The following SLC1A1 variants were observed in gnomAD, a reference collection of about 807,000 sequenced individuals.
SLC1A1 encodes the protein excitatory amino acid transporter 3.
In SLC1A1, 43 loss-of-function variants were observed where a neutral mutation model predicts 53.3. The observed-to-expected ratio is 0.81, with a 90% confidence interval of 0.63 to 1.04. The LOEUF is 1.04. Ranked by LOEUF, SLC1A1 falls within the 50% of genes least tolerant of loss-of-function variation. SLC1A1 has a pLI of 0.00. For synonymous variants in SLC1A1, 307 were observed against 243.2 expected (o/e 1.26, Z -2.44); for missense variants, 748 against 664.9 (o/e 1.12, Z -1.37).
At chr9:4,491,224 C>T (rs963310680) in intron 1 of SLC1A1, among the ~76,000 whole-genome samples, 36 of 152,348 alleles carry the variant, frequency 2.4e-4, no homozygotes, top group African/African-American at 8.2e-4. Flanking sequence ...TTGGAAGAGG[C>T]ACCCTGGCCT....
At chr9:4,498,023 G>C (rs890424064) in intron 1 of SLC1A1, among the ~76,000 whole-genome samples, 3 of 152,176 alleles carry the variant, frequency 2.0e-5, no homozygotes, top group Admixed American at 1.3e-4. Context: ...CACTGGCTTA[G>C]GATCAGGAAC....
intron 2 of SLC1A1, chr9:4,554,246 G>A (rs1818178094): frequency 6.6e-6 from 1 of 152,244 alleles, no homozygotes; most frequent in Non-Finnish European, 1.5e-5. Flanking sequence ...CTGGGAGAGG[G>A]ATCCAGGGCA....
At chr9:4,559,425 G>A (rs930599577) in intron 2 of SLC1A1, among the ~76,000 whole-genome samples, 2 of 152,152 alleles carry the variant, frequency 1.3e-5, no homozygotes, top group South Asian at 2.1e-4. Flanking sequence ...CAGAGAAATG[G>A]TGTGTTTAGA....
chr9:4,560,388 T>C (rs1818821681), intron 2 of SLC1A1, among the ~76,000 whole-genome samples: 1 of 152,112 alleles, frequency 6.6e-6, no homozygotes, highest in African/African-American at 2.4e-5. Context: ...TTTGTAACAA[T>C]GTGGGAAAAT....
At chr9:4,505,910 G>T (rs1377914015) in intron 1 of SLC1A1, among the ~76,000 whole-genome samples, 1 of 152,136 alleles carries the variant, frequency 6.6e-6, no homozygotes, top group Non-Finnish European at 1.5e-5. Flanking sequence ...TGCAACCTCC[G>T]CCTTCCGAGT....
chr9:4,565,844 G>A (rs895573074), intron 4 of SLC1A1, among the ~76,000 whole-genome samples: 4 of 152,114 alleles, frequency 2.6e-5, no homozygotes, highest in African/African-American at 9.7e-5. Flanking sequence ...ATTAAGTGAT[G>A]GTTGATTACA....
intron 1 of SLC1A1, among the ~76,000 whole-genome samples, chr9:4,518,368 GT>G (rs796104792): frequency 9.1e-5 from 13 of 143,282 alleles, no homozygotes; most frequent in South Asian, 2.2e-4. Flanking sequence ...TTGTGGTTTT[GT>G]TTTTTTTTTG....
chr9:4,508,730 C>T (rs1449858799), intron 1 of SLC1A1, among the ~76,000 whole-genome samples: 1 of 152,204 alleles, frequency 6.6e-6, no homozygotes, highest in Admixed American at 6.5e-5. Context: ...TTTTCTCCTG[C>T]CTTTCATAAT....
At chr9:4,565,995 C>A in intron 4 of SLC1A1, 52 bp from the exon 5 acceptor site, 1 of 1,379,686 alleles carries the variant, frequency 7.2e-7, no homozygotes, top group Non-Finnish European at 1.0e-6. Context: ...TTAGGTATGA[C>A]AAAACAATAC....
chr9:4,541,338 CAAA>C (rs750718849), intron 1 of SLC1A1, among the ~76,000 whole-genome samples: 1 of 152,186 alleles, frequency 6.6e-6, no homozygotes, highest in East Asian at 1.9e-4. Flanking sequence ...ATACAGCAAA[CAAA>C]GAAGTTTAGT....
intron 6 of SLC1A1, among the ~76,000 whole-genome samples, chr9:4,570,304 T>C (rs569741773): frequency 1.3e-5 from 2 of 152,308 alleles, no homozygotes; most frequent in South Asian, 4.1e-4. Flanking sequence ...GCAGTAATAC[T>C]CTAGCTTTTC....
At chr9:4,514,191 C>G (rs1821086997) in intron 1 of SLC1A1, among the ~76,000 whole-genome samples, 1 of 152,186 alleles carries the variant, frequency 6.6e-6, no homozygotes, top group Non-Finnish European at 1.5e-5. Flanking sequence ...ATGATCAACA[C>G]ATGTACACAC....
intron 2 of SLC1A1, among the ~76,000 whole-genome samples, chr9:4,546,045 C>T (rs1307070335): frequency 6.6e-6 from 1 of 151,558 alleles, no homozygotes; most frequent in Non-Finnish European, 1.5e-5. Context: ...TGGTAGAGTA[C>T]TGGACGTTGG....
At chr9:4,562,759 T>C (rs1319946820) in intron 3 of SLC1A1, among the ~76,000 whole-genome samples, 1 of 152,162 alleles carries the variant, frequency 6.6e-6, no homozygotes, top group Non-Finnish European at 1.5e-5. Context: ...ATCATTTTTA[T>C]GGCTGCATAG....
intron 1 of SLC1A1, among the ~76,000 whole-genome samples, chr9:4,515,427 T>G (rs1049563137): frequency 1.3e-5 from 2 of 152,192 alleles, no homozygotes; most frequent in African/African-American, 4.8e-5. Flanking sequence ...TTTCCTTTGT[T>G]GGGTCTCATG....
chr9:4,569,273 A>G (rs1819800742), intron 6 of SLC1A1, among the ~76,000 whole-genome samples: 1 of 152,218 alleles, frequency 6.6e-6, no homozygotes, highest in Non-Finnish European at 1.5e-5. Context: ...TGTGGTGTAT[A>G]TACTGCATAT....
In SLC1A1 at chr9:4,585,744, G is replaced by A; in HGVS notation, c.*186G>A. The A allele has an allele frequency of 2.9e-6, 2 of 689,076 alleles. No individual in the cohort carries two copies. The highest frequency in any genetic ancestry group is 4.8e-6 in the Non-Finnish European group (2 of 415,300). The allele number at this position is 689,076 out of a possible 1,614,324, so 42.7% of individuals were successfully genotyped here. ...GCTCTGGGTTTTGGGATTTGGGTGT[G>A]GGGTAAGTTGAAGGGAAATCAATTT... is the stretch of plus-strand genomic sequence containing the variant. On this transcript the variant is annotated 3_prime_UTR_variant, in exon 12 of 12. Coordinates refer to ENST00000262352, the MANE Select transcript of SLC1A1 (RefSeq NM_004170.6).
chr9:4,512,674 C>A (rs1439614025), intron 1 of SLC1A1, among the ~76,000 whole-genome samples: 1 of 152,094 alleles, frequency 6.6e-6, no homozygotes, highest in African/African-American at 2.4e-5. Context: ...ATGGCAAAAA[C>A]TGCAATTACT....
intron 1 of SLC1A1, among the ~76,000 whole-genome samples, chr9:4,491,130 CT>C (rs373997901): frequency 2.1e-4 from 32 of 152,346 alleles, no homozygotes; most frequent in African/African-American, 7.2e-4. Context: ...GTATCTCCCC[CT>C]ATCACCGCCA....
Sources: gnomAD v4.1 joint callset for allele counts (sites outside exome capture counted in the v4.1 genomes callset) on GRCh38, gnomAD v4.1.1 for gene constraint, MANE v1.5 for transcripts, NCBI Gene and HGNC (gene_info 2026-07-23, HGNC 2026-07-21) for gene names.